TNKS2: variants seen among roughly 807,000 people sequenced by gnomAD.
TNKS2 encodes tankyrase 2.
In TNKS2, 72 loss-of-function variants were observed where a neutral mutation model predicts 137.6. The ratio of observed to expected loss-of-function variants is 0.52; its 90% CI spans 0.43 to 0.64. TNKS2 has a LOEUF of 0.64. TNKS2 is among the 30% of genes least tolerant of loss of function. The pLI, the probability that TNKS2 is intolerant of heterozygous loss-of-function variation, is 0.00. For synonymous variants in TNKS2, 516 were observed against 512.1 expected, an observed-to-expected ratio of 1.01 and a Z score of -0.10; for missense variants, 1,049 against 1,410.2, an observed-to-expected ratio of 0.74 and a Z score of 4.10.
intron 20 of TNKS2, among the ~76,000 whole-genome samples, chr10:91,850,010 A>G (rs895260023): frequency 6.6e-6 from 1 of 152,208 alleles, no homozygotes; most frequent in African/African-American, 2.4e-5. Flanking sequence ...GTTGTTGTTC[A>G]GAAAATAATG....
intron 23 of TNKS2, among the ~76,000 whole-genome samples, 171 bp from the exon 24 acceptor site, chr10:91,857,254 C>T (rs1349500335): frequency 1.3e-5 from 2 of 151,744 alleles, no homozygotes; most frequent in African/African-American, 4.8e-5. Flanking sequence ...GCTATACTTC[C>T]AATTTTATGG....
intron 1 of TNKS2, among the ~76,000 whole-genome samples, chr10:91,803,957 C>CT (rs1564600543): frequency 6.6e-6 from 1 of 152,150 alleles, no homozygotes; most frequent in African/African-American, 2.4e-5. Flanking sequence ...TCCTAAGAGT[C>CT]TAAGTTGGTT....
intron 12 of TNKS2, among the ~76,000 whole-genome samples, chr10:91,835,592 CTTTTT>C: frequency 9.1e-6 from 1 of 109,418 alleles, no homozygotes; most frequent in African/African-American, 3.5e-5. Context: ...CCCGGCCTTT[CTTTTT>C]TTTTTTTTTT....
At chr10:91,857,641 A>T (rs1241247496) in intron 24 of TNKS2, 111 bp downstream of exon 24, 4 of 504,702 alleles carry the variant, frequency 7.9e-6, no homozygotes, top group Non-Finnish European at 1.3e-5. Context: ...GTATTTTAAG[A>T]TAAACCTACT....
intron 2 of TNKS2, among the ~76,000 whole-genome samples, chr10:91,814,260 T>G (rs992149957): frequency 2.0e-5 from 3 of 151,896 alleles, no homozygotes; most frequent in African/African-American, 4.8e-5. Context: ...AGAAAAGTTG[T>G]AAAAAAAAAT....
chr10:91,835,296 T>TCTTTTTTTTTTC (rs1841969386), intron 12 of TNKS2, among the ~76,000 whole-genome samples: 1 of 150,734 alleles, frequency 6.6e-6, no homozygotes, highest in Non-Finnish European at 1.5e-5. Context: ...TTTTTTTTTT[T>TCTTTTTTTTTTC]CTTTTTTTTT....
chr10:91,842,066 T>C, intron 15 of TNKS2, 106 bp from the exon 16 acceptor site: 1 of 623,748 alleles, frequency 1.6e-6, no homozygotes, highest in Non-Finnish European at 2.8e-6. Flanking sequence ...AGAGTCTCAA[T>C]ATAAATTTAG....
chr10:91,836,827 A>T (rs1842036026), intron 12 of TNKS2, 92 bp from the exon 13 acceptor site: 1 of 1,488,808 alleles, frequency 6.7e-7, no homozygotes, highest in African/African-American at 1.4e-5. Flanking sequence ...ATTGTAAAAG[A>T]ACTTTGCTTT....
chr10:91,813,610 G>A (rs12221087), intron 2 of TNKS2, among the ~76,000 whole-genome samples: 49,664 of 152,044 alleles, frequency 0.33, 8,634 homozygotes, highest in South Asian at 0.53. Context: ...AAGGTAGGTG[G>A]GGATTTCTCT....
chr10:91,852,895 G>T (rs1490825453), intron 21 of TNKS2, among the ~76,000 whole-genome samples: 1 of 152,200 alleles, frequency 6.6e-6, no homozygotes, highest in Non-Finnish European at 1.5e-5. Context: ...ACTAGGATAA[G>T]AAATTTAAAG....
At position 91,851,193 on chromosome 10, in the gene TNKS2, G is replaced by A. The variant is rs762202020; in HGVS notation, c.2695-23G>A. On this transcript the variant is annotated intron_variant, in intron 20 of 26. Coordinates refer to ENST00000371627, the MANE Select transcript of TNKS2 (RefSeq NM_025235.4). The stretch of plus-strand genomic sequence containing the variant: ...TCCACCAAATAAGTAAGCATTCTAA[G>A]TAGTTTCCTCCTCTTTTGTAAGATC... 8 of 1,612,042 alleles carry A rather than the reference G, an allele frequency of 5.0e-6. No homozygotes were observed. The African/African-American group carries it at 9.4e-5, about 19-fold the overall frequency.
At chr10:91,834,667 C>T (rs925165467) in intron 12 of TNKS2, among the ~76,000 whole-genome samples, 1 of 152,156 alleles carries the variant, frequency 6.6e-6, no homozygotes, top group African/African-American at 2.4e-5. Flanking sequence ...GTTCTGGGAA[C>T]CACGTTTTGA....
intron 3 of TNKS2, 64 bp downstream of exon 3, chr10:91,817,293 T>C (rs926096611): frequency 1.6e-5 from 18 of 1,145,368 alleles, no homozygotes; most frequent in Middle Eastern, 2.0e-4. Context: ...AGGTAGGAAA[T>C]TTGCCTCCTA....
intron 1 of TNKS2, among the ~76,000 whole-genome samples, chr10:91,801,262 TAAATTCTGTTAATGAA>T (rs1257749713): frequency 6.6e-6 from 1 of 152,216 alleles, no homozygotes; most frequent in Non-Finnish European, 1.5e-5. Flanking sequence ...CCAAGAGAGT[TAAATTCTGTTAATGAA>T]GAAGATAGTC....
chr10:91,800,956 G>A (rs1291758432), intron 1 of TNKS2, among the ~76,000 whole-genome samples: 2 of 152,202 alleles, frequency 1.3e-5, no homozygotes, highest in East Asian at 3.8e-4. Context: ...GTTCAACACA[G>A]GTGGTGGTAT....
chr10:91,811,895 T>G (rs1176725729), intron 1 of TNKS2, among the ~76,000 whole-genome samples: 1 of 151,840 alleles, frequency 6.6e-6, no homozygotes, highest in Non-Finnish European at 1.5e-5. Context: ...CCATCTCTAC[T>G]AAAAAATACA....
At chr10:91,839,986 A>G (rs527497656) in intron 13 of TNKS2, among the ~76,000 whole-genome samples, 2 of 152,322 alleles carry the variant, frequency 1.3e-5, no homozygotes, top group African/African-American at 2.4e-5. Context: ...TTACCTGTAT[A>G]TATATATAGT....
intron 15 of TNKS2, among the ~76,000 whole-genome samples, chr10:91,841,965 A>AC (rs961366222): frequency 1.2e-4 from 2 of 16,238 alleles, no homozygotes; most frequent in African/African-American, 1.6e-3. Flanking sequence ...TTAATGCATT[A>AC]AAAAATCCAG....
chr10:91,853,575 C>A (rs1439800017), intron 21 of TNKS2, among the ~76,000 whole-genome samples: 1 of 152,168 alleles, frequency 6.6e-6, no homozygotes, highest in Non-Finnish European at 1.5e-5. Flanking sequence ...ACAGCCTTAC[C>A]TATCATTCAA....
Sources: gnomAD v4.1 joint callset for allele counts (sites outside exome capture counted in the v4.1 genomes callset) on GRCh38, gnomAD v4.1.1 for gene constraint, MANE v1.5 for transcripts, NCBI Gene and HGNC (gene_info 2026-07-23, HGNC 2026-07-21) for gene names.